The following PRPSAP2 variants were observed in gnomAD, a reference collection of about 807,000 sequenced individuals.
PRPSAP2 encodes the protein phosphoribosyl pyrophosphate synthase-associated protein 2.
Under a neutral mutation model 40.6 loss-of-function variants are expected in PRPSAP2, and 24 were observed. The ratio of observed to expected loss-of-function variants is 0.59; its 90% CI spans 0.43 to 0.83. The LOEUF (loss-of-function observed/expected upper bound fraction) is 0.83, where lower values mean the gene tolerates loss of function less well. Among genes scored for constraint, PRPSAP2 ranks in the 40% least tolerant of loss-of-function variants. The pLI, the probability that PRPSAP2 is intolerant of heterozygous loss-of-function variation, is 0.00. For missense variants in PRPSAP2, 292 were observed against 465.6 expected, an observed-to-expected ratio of 0.63 and a Z score of 3.43; for synonymous variants, 149 against 164.7, an observed-to-expected ratio of 0.90 and a Z score of 0.73.
chr17:18,857,443 T>C (rs995943725), upstream of PRPSAP2, among the ~76,000 whole-genome samples: 1 of 151,932 alleles, frequency 6.6e-6, no homozygotes, highest in Non-Finnish European at 1.5e-5. Context: ...AGATGGACTC[T>C]TGCTCTGTCA....
intron 7 of PRPSAP2, among the ~76,000 whole-genome samples, chr17:18,884,997 G>A (rs1350652057): frequency 6.6e-6 from 1 of 152,226 alleles, no homozygotes; most frequent in Non-Finnish European, 1.5e-5. Context: ...TGTGCTGGTT[G>A]CAAGGTCAGG....
At chr17:18,923,385 C>T (rs1446287438) in intron 9 of PRPSAP2, among the ~76,000 whole-genome samples, 3 of 151,568 alleles carry the variant, frequency 2.0e-5, no homozygotes, top group African/African-American at 4.8e-5. Context: ...GGATTACAGG[C>T]GTGAGCCACC....
Position 18,930,633 on chromosome 17 carries a change from A to G in PRPSAP2, c.1045A>G (p.Ile349Val), listed in dbSNP as rs1353950523. 5 of 1,613,916 alleles carry G rather than the reference A, an allele frequency of 3.1e-6. No homozygotes were observed. Among genetic ancestry groups the G allele is most frequent in the Non-Finnish European group, 4.2e-6 (5 of 1,179,824 alleles). ...TATCAGCATGATCCTTTCAGAGGCG[A>G]TCCGTCGGATCCACAATGGGGAGTC... is the stretch of plus-strand genomic sequence containing the variant. ...VDISMILSEA[I>V]RRIHNGESMS... Residue 349 changes from isoleucine to valine, a missense_variant, in exon 12 of 12, where the codon ATC becomes GTC. Physicochemically the swap from Ile to Val is conservative, Grantham distance 29. Transcript: ENST00000268835.
intron 9 of PRPSAP2, among the ~76,000 whole-genome samples, chr17:18,913,918 A>G (rs1044653253): frequency 6.6e-6 from 1 of 151,628 alleles, no homozygotes; most frequent in Non-Finnish European, 1.5e-5. Flanking sequence ...GCTCACACCT[A>G]TAATCCCAGC....
intron 7 of PRPSAP2, among the ~76,000 whole-genome samples, chr17:18,884,877 A>G (rs1328030557): frequency 2.0e-5 from 3 of 152,196 alleles, no homozygotes; most frequent in South Asian, 4.1e-4. Context: ...GGATGTTTCC[A>G]TTCAGGACAC....
rs139102541 is a variant in PRPSAP2 at position 18,858,822 on chromosome 17, G to A, written c.-129+561G>A. ...CCGTTTGGGTGTTTAGCTTTTGAAA[G>A]GAGTATGAAAATGCGGAATGGGGCT... is the stretch of plus-strand genomic sequence containing the variant. On this transcript the variant is annotated intron_variant, in intron 1 of 11. Transcript: ENST00000268835. Among the ~76,000 whole-genome samples the A allele has an allele frequency of 5.3e-4, 80 of 149,932 alleles. 2 individuals are homozygous for A. The East Asian group carries it at 0.015, about 29-fold the overall frequency.
intron 9 of PRPSAP2, among the ~76,000 whole-genome samples, chr17:18,917,781 G>C (rs540094144): frequency 4.2e-4 from 63 of 150,980 alleles, no homozygotes; most frequent in African/African-American, 1.5e-3. Flanking sequence ...GGAAGTGGGC[G>C]CTGAGGAGAA....
intron 3 of PRPSAP2, among the ~76,000 whole-genome samples, chr17:18,866,779 G>A (rs2037464063): frequency 6.6e-6 from 1 of 152,086 alleles, no homozygotes; most frequent in Non-Finnish European, 1.5e-5. Context: ...AACAAACAAG[G>A]TAATTTCAGA....
intron 11 of PRPSAP2, chr17:18,929,830 T>A (rs532259129): frequency 6.6e-6 from 1 of 152,302 alleles, no homozygotes; most frequent in African/African-American, 2.4e-5. Flanking sequence ...GTGTACAAGT[T>A]TTTGTGTGGA....
At chr17:18,872,466 A>G (rs1356921769) in intron 4 of PRPSAP2, 117 bp from the exon 5 acceptor site, 8 of 754,976 alleles carry the variant, frequency 1.1e-5, no homozygotes, top group Non-Finnish European at 1.8e-5. Context: ...ACTGAGTCTT[A>G]TAACAGTTTG....
intron 3 of PRPSAP2, among the ~76,000 whole-genome samples, chr17:18,866,964 C>G (rs916853496): frequency 6.6e-6 from 1 of 151,904 alleles, no homozygotes; most frequent in Non-Finnish European, 1.5e-5. Context: ...GAGGGGACAG[C>G]AGATTCCAAG....
At chr17:18,874,450 A>AT (rs1387691587) in intron 5 of PRPSAP2, among the ~76,000 whole-genome samples, 5 of 152,096 alleles carry the variant, frequency 3.3e-5, no homozygotes, top group African/African-American at 4.8e-5. Flanking sequence ...TGGAACACAC[A>AT]TTTTTTTCAC....
intron 6 of PRPSAP2, among the ~76,000 whole-genome samples, 196 bp downstream of exon 6, chr17:18,878,066 A>AC (rs2038429813): frequency 6.6e-6 from 1 of 152,154 alleles, no homozygotes; most frequent in South Asian, 2.1e-4. Context: ...ATAGGCACAT[A>AC]CCACCCTGCC....
chr17:18,904,800 T>C (rs1182811983), intron 8 of PRPSAP2: 1 of 152,184 alleles, frequency 6.6e-6, no homozygotes, highest in African/African-American at 2.4e-5. Context: ...AGGCCCTGTG[T>C]CTTGTTCTTT....
chr17:18,898,867 T>C (rs1436678459), intron 8 of PRPSAP2, among the ~76,000 whole-genome samples: 1 of 144,188 alleles, frequency 6.9e-6, no homozygotes, highest in African/African-American at 2.6e-5. Context: ...TCTGGGACTC[T>C]TATGACATAA....
intron 1 of PRPSAP2, among the ~76,000 whole-genome samples, chr17:18,862,220 G>A (rs1438411243): frequency 6.6e-6 from 1 of 152,174 alleles, no homozygotes; most frequent in Non-Finnish European, 1.5e-5. Flanking sequence ...TTGGAATGAT[G>A]GGCCCTCAGC....
chr17:18,884,957 G>A (rs2151913749), intron 7 of PRPSAP2, among the ~76,000 whole-genome samples: 1 of 152,324 alleles, frequency 6.6e-6, no homozygotes, highest in Admixed American at 6.5e-5. Flanking sequence ...CCCGGTGGGT[G>A]AGCCTAAAGA....
chr17:18,894,477 G>GTTTTTTTTTT (rs1417463058), intron 8 of PRPSAP2, among the ~76,000 whole-genome samples: 3 of 120,022 alleles, frequency 2.5e-5, no homozygotes, highest in African/African-American at 6.6e-5. Flanking sequence ...CTTTTCAATA[G>GTTTTTTTTTT]TCTTTTTTTT....
chr17:18,897,853 T>A, intron 8 of PRPSAP2, among the ~76,000 whole-genome samples: 1 of 152,128 alleles, frequency 6.6e-6, no homozygotes, highest in Non-Finnish European at 1.5e-5. Flanking sequence ...TACAATATAC[T>A]GATGTCATTT....
Sources: gnomAD v4.1 joint callset for allele counts (sites outside exome capture counted in the v4.1 genomes callset) on GRCh38, gnomAD v4.1.1 for gene constraint, MANE v1.5 for transcripts, NCBI Gene and HGNC (gene_info 2026-07-23, HGNC 2026-07-21) for gene names.